Variants in FER observed in about 807,000 individuals in gnomAD.
FER encodes tyrosine-protein kinase Fer.
A neutral mutation model predicts 111.0 loss-of-function variants in FER; 63 were observed. The observed-to-expected ratio is 0.57, with a 90% confidence interval of 0.46 to 0.70. The LOEUF (loss-of-function observed/expected upper bound fraction) is 0.70. Ranked by LOEUF, FER falls within the 30% of genes least tolerant of loss-of-function variation. The pLI, the probability that FER is intolerant of heterozygous loss-of-function variation, is 0.00. For missense variants in FER, 914 were observed against 954.0 expected, an observed-to-expected ratio of 0.96 and a Z score of 0.55; for synonymous variants, 327 against 313.9, an observed-to-expected ratio of 1.04 and a Z score of -0.44.
chr5:108,757,554 A>G (rs556775385), intron 1 of FER, among the ~76,000 whole-genome samples: 4 of 152,118 alleles, frequency 2.6e-5, no homozygotes, highest in African/African-American at 2.4e-5. Context: ...CCTTAGAGGT[A>G]AAAAAAAGTT....
chr5:108,810,069 T>C (rs978395594), intron 3 of FER, among the ~76,000 whole-genome samples: 2 of 148,716 alleles, frequency 1.3e-5, no homozygotes, highest in East Asian at 1.9e-4. Context: ...TTTTCTTTTT[T>C]CTTTCTTTTC....
intron 10 of FER, among the ~76,000 whole-genome samples, chr5:108,939,704 T>G (rs1298447192): frequency 6.6e-6 from 1 of 152,016 alleles, no homozygotes; most frequent in Non-Finnish European, 1.5e-5. Flanking sequence ...CCATCTTTCT[T>G]TATTTAAAAA....
chr5:108,908,504 G>A (rs1751096997), intron 10 of FER, among the ~76,000 whole-genome samples: 1 of 151,986 alleles, frequency 6.6e-6, no homozygotes, highest in Non-Finnish European at 1.5e-5. Flanking sequence ...ATTTTGTTAC[G>A]ATTTTTAAAA....
At chr5:109,049,796 G>A (rs1358825185) in intron 16 of FER, among the ~76,000 whole-genome samples, 4 of 152,180 alleles carry the variant, frequency 2.6e-5, no homozygotes, top group South Asian at 2.1e-4. Context: ...TCTGTGATGA[G>A]TTTTAAAAAA....
chr5:109,167,900 A>T (rs1756720442), intron 17 of FER, among the ~76,000 whole-genome samples: 1 of 152,196 alleles, frequency 6.6e-6, no homozygotes, highest in Non-Finnish European at 1.5e-5. Context: ...AGAAGGAAAA[A>T]TAGCTGAGGG....
chr5:108,820,097 A>G (rs1758693145), intron 3 of FER: 1 of 985,072 alleles, frequency 1.0e-6, no homozygotes. Flanking sequence ...AAGAGATAAA[A>G]ATCTCCCAGA....
At chr5:109,128,447 A>G (rs1291540419) in intron 17 of FER, among the ~76,000 whole-genome samples, 1 of 152,178 alleles carries the variant, frequency 6.6e-6, no homozygotes, top group African/African-American at 2.4e-5. Flanking sequence ...ATGTGATTTT[A>G]GACAGTTGCC....
At chr5:109,042,019 G>A (rs1248119112) in intron 14 of FER, among the ~76,000 whole-genome samples, 1 of 152,150 alleles carries the variant, frequency 6.6e-6, no homozygotes, top group East Asian at 1.9e-4. Context: ...GGAAGTTAAA[G>A]GAAATGATCA....
At chr5:109,169,375 T>C (rs1438215130) in intron 17 of FER, among the ~76,000 whole-genome samples, 2 of 152,134 alleles carry the variant, frequency 1.3e-5, no homozygotes, top group Non-Finnish European at 2.9e-5. Flanking sequence ...AAATGAATTA[T>C]TATAAAATAG....
At chr5:109,124,854 G>A (rs1490641669) in intron 17 of FER, among the ~76,000 whole-genome samples, 1 of 152,022 alleles carries the variant, frequency 6.6e-6, no homozygotes, top group Non-Finnish European at 1.5e-5. Flanking sequence ...AGACCATTCT[G>A]GCTAACACGG....
chr5:108,887,673 A>AT (rs1747387452), intron 9 of FER, among the ~76,000 whole-genome samples: 1 of 151,814 alleles, frequency 6.6e-6, no homozygotes, highest in African/African-American at 2.4e-5. Flanking sequence ...TTTGTATTGT[A>AT]TAACATACAC....
At chr5:108,970,590 T>C (rs1436702286) in intron 13 of FER, among the ~76,000 whole-genome samples, 5 of 152,166 alleles carry the variant, frequency 3.3e-5, no homozygotes, top group Non-Finnish European at 7.3e-5. Flanking sequence ...AAAGTATTTA[T>C]ATGAAGGATT....
At chr5:109,098,973 C>T (rs1747872456) in intron 16 of FER, among the ~76,000 whole-genome samples, 1 of 151,434 alleles carries the variant, frequency 6.6e-6, no homozygotes, top group African/African-American at 2.4e-5. Context: ...AGGAAAAAGC[C>T]ACTAAGTCTT....
chr5:108,979,306 T>A (rs1761760076), intron 13 of FER, among the ~76,000 whole-genome samples: 1 of 152,166 alleles, frequency 6.6e-6, no homozygotes, highest in Non-Finnish European at 1.5e-5. Flanking sequence ...TATTTGTTTT[T>A]CCTGTGAGAC....
At chr5:109,047,256 T>C in intron 16 of FER, 58 bp downstream of exon 16, 1 of 995,052 alleles carries the variant, frequency 1.0e-6, no homozygotes, top group Non-Finnish European at 1.6e-6. Context: ...TTTATTGTTT[T>C]TATATGTTCG....
intron 1 of FER, among the ~76,000 whole-genome samples, chr5:108,749,457 C>G (rs1263762108): frequency 2.6e-5 from 4 of 151,996 alleles, no homozygotes. Flanking sequence ...TGTACCCTCA[C>G]CCCTTTTCTC....
intron 1 of FER, among the ~76,000 whole-genome samples, chr5:108,763,067 A>G (rs1364632396): frequency 6.6e-6 from 1 of 152,178 alleles, no homozygotes; most frequent in East Asian, 1.9e-4. Flanking sequence ...CAGGAAGGCA[A>G]GAATTTTTAC....
chr5:108,853,958 A>G (rs1463992403), intron 5 of FER, among the ~76,000 whole-genome samples: 1 of 152,210 alleles, frequency 6.6e-6, no homozygotes, highest in Non-Finnish European at 1.5e-5. Context: ...GCAGTAGTTT[A>G]GGCAAGGGGT....
rs34721667 is a variant in FER, at chr5:108,947,744, C to T, written c.1329+1522C>T. On this transcript the variant is annotated intron_variant, in intron 11 of 19. Transcript: ENST00000281092. ...GTGCTTTTGGTTGTCAAAAAAAAAT[C>T]GTCTAATCCAAGATTATGCTGATAA... Among the ~76,000 whole-genome samples, 383 of 151,406 alleles carry T rather than the reference C, an allele frequency of 2.5e-3. 1 individual carries two copies. Among genetic ancestry groups the T allele is most frequent in the African/African-American group, 8.6e-3 (357 of 41,332 alleles).
Sources: allele counts gnomAD v4.1 joint callset (sites outside exome capture counted in the v4.1 genomes callset), GRCh38; gene constraint gnomAD v4.1.1; transcripts MANE v1.5; gene names NCBI Gene and HGNC (gene_info 2026-07-23, HGNC 2026-07-21).